PPM1H: variants seen among roughly 807,000 people sequenced by gnomAD.
PPM1H encodes the protein protein phosphatase, Mg2+/Mn2+ dependent 1H.
A neutral mutation model predicts 54.9 loss-of-function variants in PPM1H; 27 were observed. The observed-to-expected ratio is 0.49, with a 90% confidence interval of 0.36 to 0.68. PPM1H has a LOEUF of 0.68. Ranked by LOEUF, PPM1H falls within the 30% of genes least tolerant of loss-of-function variation. PPM1H has a pLI of 0.00. For missense variants in PPM1H, 596 were observed against 667.8 expected (o/e 0.89, Z 1.19); for synonymous variants, 305 against 270.8 (o/e 1.13, Z -1.24).
intron 1 of PPM1H, among the ~76,000 whole-genome samples, chr12:62,895,402 T>C (rs1870949906): frequency 6.6e-6 from 1 of 152,166 alleles, no homozygotes; most frequent in Non-Finnish European, 1.5e-5. Context: ...TAAGTGCCTA[T>C]GTTTGAAGGC....
chr12:62,843,849 A>G (rs1868849971), intron 1 of PPM1H, among the ~76,000 whole-genome samples: 1 of 152,216 alleles, frequency 6.6e-6, no homozygotes, highest in Admixed American at 6.5e-5. Flanking sequence ...TGAACAATAC[A>G]TCAAGTAGCC....
chr12:62,910,717 G>A (rs758931779), intron 1 of PPM1H, among the ~76,000 whole-genome samples: 6 of 152,064 alleles, frequency 3.9e-5, no homozygotes, highest in Admixed American at 1.3e-4. Context: ...TAAGAAAAAC[G>A]GTCACCACCT....
intron 7 of PPM1H, among the ~76,000 whole-genome samples, chr12:62,693,240 A>G (rs2076093180): frequency 6.6e-6 from 1 of 152,194 alleles, no homozygotes; most frequent in Non-Finnish European, 1.5e-5. Context: ...CTCAGAGACC[A>G]CTTTAGGATC....
chr12:62,738,914 T>A (rs918066498), intron 4 of PPM1H, among the ~76,000 whole-genome samples: 4 of 149,234 alleles, frequency 2.7e-5, no homozygotes, highest in African/African-American at 9.8e-5. Context: ...GCAGCTGTCA[T>A]GACCCCACCC....
chr12:62,718,039 C>T (rs2076244815), intron 6 of PPM1H, among the ~76,000 whole-genome samples: 1 of 152,212 alleles, frequency 6.6e-6, no homozygotes, highest in African/African-American at 2.4e-5. Flanking sequence ...GCTCAATCTG[C>T]TTTAAATGTG....
chr12:62,753,670 T>C lies in PPM1H; in HGVS notation c.870-16084A>G, dbSNP rs1350897359. ...GCCATGACAGACCATCTCTCTCTGC[T>C]TCCATTTTCTTTTTTGAGATGCACA... is the stretch of plus-strand genomic sequence containing the variant. On this transcript the variant is annotated intron_variant, in intron 4 of 9. Coordinates refer to ENST00000228705, the MANE Select transcript of PPM1H (RefSeq NM_020700.2). Among the ~76,000 whole-genome samples, 3 of 152,214 alleles carry C rather than the reference T, an allele frequency of 2.0e-5. No homozygotes were observed. The East Asian group carries it at 5.8e-4, about 29-fold the overall frequency.
At chr12:62,730,162 T>C (rs1171036824) in intron 5 of PPM1H, among the ~76,000 whole-genome samples, 5 of 152,056 alleles carry the variant, frequency 3.3e-5, no homozygotes, top group Non-Finnish European at 7.3e-5. Context: ...TTGCTGACTC[T>C]CTTTTCGGAC....
chr12:62,887,421 C>T (rs1049224384), intron 1 of PPM1H, among the ~76,000 whole-genome samples: 6 of 152,172 alleles, frequency 3.9e-5, no homozygotes, highest in East Asian at 1.9e-4. Flanking sequence ...ATGTAAAACA[C>T]GTTTTCATGT....
chr12:62,902,995 T>C (rs184841163), intron 1 of PPM1H, among the ~76,000 whole-genome samples: 157 of 152,326 alleles, frequency 1.0e-3, no homozygotes, highest in African/African-American at 3.5e-3. Flanking sequence ...ACTGCTTTTT[T>C]ACAAGGTACT....
chr12:62,665,979 G>A (rs537583508), intron 9 of PPM1H, among the ~76,000 whole-genome samples: 9 of 152,150 alleles, frequency 5.9e-5, no homozygotes, highest in Middle Eastern at 3.4e-3. Flanking sequence ...ATCCTCCTGC[G>A]TTATCTCCCA....
At chr12:62,650,112 T>C (rs1374049477) in intron 9 of PPM1H, among the ~76,000 whole-genome samples, 1 of 152,164 alleles carries the variant, frequency 6.6e-6, no homozygotes, top group Non-Finnish European at 1.5e-5. Context: ...TCACAGACTT[T>C]CATGTTGAGA....
intron 1 of PPM1H, among the ~76,000 whole-genome samples, chr12:62,880,239 G>C (rs1348293728): frequency 4.6e-5 from 7 of 152,202 alleles, no homozygotes; most frequent in African/African-American, 1.7e-4. Context: ...ATTGAGAGCA[G>C]CCTGCATTGT....
chr12:62,910,056 TA>T (rs1279935730), intron 1 of PPM1H, among the ~76,000 whole-genome samples: 4 of 152,190 alleles, frequency 2.6e-5, no homozygotes, highest in Non-Finnish European at 5.9e-5. Context: ...AACCTGAGGC[TA>T]AGCAGGAGTT....
chr12:62,884,337 T>A (rs2084450), intron 1 of PPM1H, among the ~76,000 whole-genome samples: 5,605 of 98,186 alleles, frequency 0.057, 301 homozygotes, highest in African/African-American at 0.21. Context: ...AGCACCAAAA[T>A]GAAAAAAAAA....
chr12:62,652,763 AC>A (rs1422555709), intron 9 of PPM1H, among the ~76,000 whole-genome samples: 2 of 152,080 alleles, frequency 1.3e-5, no homozygotes, highest in Non-Finnish European at 2.9e-5. Flanking sequence ...ATTTTAATTC[AC>A]CTTTTTTTGA....
intron 8 of PPM1H, among the ~76,000 whole-genome samples, chr12:62,670,094 C>T (rs746684150): frequency 6.9e-6 from 1 of 145,720 alleles, no homozygotes; most frequent in Non-Finnish European, 1.5e-5. Flanking sequence ...TCTCCTGCTT[C>T]AGCCTCCCTA....
At chr12:62,805,670 C>T (rs11174656) in intron 2 of PPM1H, among the ~76,000 whole-genome samples, 2 of 151,940 alleles carry the variant, frequency 1.3e-5, no homozygotes, top group Non-Finnish European at 2.9e-5. Context: ...AGCAGAGAGT[C>T]GAATGGTGGT....
chr12:62,796,329 G>A (rs1443146122), intron 3 of PPM1H, among the ~76,000 whole-genome samples: 1 of 152,040 alleles, frequency 6.6e-6, no homozygotes, highest in Non-Finnish European at 1.5e-5. Flanking sequence ...ACAGGTTGAG[G>A]GCTCAGTCCC....
At chr12:62,697,711 T>C (rs2076122128) in intron 6 of PPM1H, among the ~76,000 whole-genome samples, 1 of 152,124 alleles carries the variant, frequency 6.6e-6, no homozygotes, top group African/African-American at 2.4e-5. Flanking sequence ...AGAGAGTGTC[T>C]AGTCATAGAA....
Sources: allele counts gnomAD v4.1 joint callset (sites outside exome capture counted in the v4.1 genomes callset), GRCh38; gene constraint gnomAD v4.1.1; transcripts MANE v1.5; gene names NCBI Gene and HGNC (gene_info 2026-07-23, HGNC 2026-07-21).